Variants in DIP2C observed in about 807,000 individuals in gnomAD.
DIP2C encodes the protein disco-interacting protein 2 homolog C.
In DIP2C, 33 loss-of-function variants were observed where a neutral mutation model predicts 192.4. That is an observed-to-expected ratio of 0.17 (90% CI 0.13 to 0.23). The LOEUF (loss-of-function observed/expected upper bound fraction) is 0.23, where lower values mean the gene tolerates loss of function less well. Ranked by LOEUF, DIP2C falls within the 10% of genes least tolerant of loss-of-function variation. The pLI is 1.00. For missense variants in DIP2C, 1,537 were observed against 2,110.1 expected, an observed-to-expected ratio of 0.73 and a Z score of 5.32; for synonymous variants, 979 against 864.1, an observed-to-expected ratio of 1.13 and a Z score of -2.33.
At chr10:518,630 G>A (rs925902006) in intron 1 of DIP2C, among the ~76,000 whole-genome samples, 3 of 152,178 alleles carry the variant, frequency 2.0e-5, no homozygotes, top group African/African-American at 7.2e-5. Flanking sequence ...GCCCACACCA[G>A]AACCCACCCA....
intron 6 of DIP2C, among the ~76,000 whole-genome samples, chr10:417,635 CGGA>C (rs1965750294): frequency 3.2e-4 from 2 of 6,224 alleles, no homozygotes; most frequent in Non-Finnish European, 1.0e-3. Flanking sequence ...TGTCAGGGCT[CGGA>C]TAGGCCTCCC....
rs143718139 is a variant in DIP2C at position 419,470 on chromosome 10, A to G, written c.605-271T>C. Among the ~76,000 whole-genome samples the G allele has an allele frequency of 2.1e-3, 325 of 152,316 alleles. 4 individuals are homozygous for G. The highest frequency in any genetic ancestry group is 7.0e-3 in the African/African-American group (290 of 41,586). ...CCATGTCAGCAGCATTTTAACTAGA[A>G]TAACGTTAGACTGGCAATGGCAGGG... On this transcript the variant is annotated intron_variant, in intron 5 of 36. Coordinates refer to ENST00000280886, the MANE Select transcript of DIP2C (RefSeq NM_014974.3).
intron 1 of DIP2C, among the ~76,000 whole-genome samples, chr10:494,534 C>G (rs539488869): frequency 6.6e-6 from 1 of 151,956 alleles, no homozygotes; most frequent in South Asian, 2.1e-4. Flanking sequence ...TCAAAGCTAC[C>G]AAGAGTCAAA....
chr10:476,857 C>A (rs1276451373), intron 2 of DIP2C, among the ~76,000 whole-genome samples: 1 of 151,554 alleles, frequency 6.6e-6, no homozygotes, highest in African/African-American at 2.4e-5. Context: ...AATCTTGGAG[C>A]AAGGAAAAGC....
chr10:503,535 G>A (rs1845395380), intron 1 of DIP2C, among the ~76,000 whole-genome samples: 1 of 152,214 alleles, frequency 6.6e-6, no homozygotes, highest in Admixed American at 6.5e-5. Flanking sequence ...GGAAAACCAT[G>A]GAAGTGTTCC....
At chr10:564,823 A>T (rs1224637495) in intron 1 of DIP2C, among the ~76,000 whole-genome samples, 1 of 152,142 alleles carries the variant, frequency 6.6e-6, no homozygotes, top group Non-Finnish European at 1.5e-5. Context: ...AACACATAAC[A>T]CGTGAGCAGA....
At chr10:296,643 G>T (rs1403243789) in intron 32 of DIP2C, among the ~76,000 whole-genome samples, 1 of 152,016 alleles carries the variant, frequency 6.6e-6, no homozygotes, top group Non-Finnish European at 1.5e-5. Context: ...CAACCCAAAT[G>T]CCCATCAATG....
chr10:664,796 G>A (rs1054199673), intron 1 of DIP2C: 44 of 151,822 alleles, frequency 2.9e-4, no homozygotes, highest in Admixed American at 1.1e-3. Flanking sequence ...CAAATATATA[G>A]GGAATTTTTA....
chr10:320,315 C>T (rs763683408), intron 31 of DIP2C, among the ~76,000 whole-genome samples: 1 of 152,002 alleles, frequency 6.6e-6, no homozygotes, highest in Non-Finnish European at 1.5e-5. Context: ...TGAGACCAGC[C>T]TGGCCAACAT....
At chr10:332,048 T>A (rs545961254) in intron 29 of DIP2C, among the ~76,000 whole-genome samples, 2 of 152,254 alleles carry the variant, frequency 1.3e-5, no homozygotes, top group East Asian at 3.9e-4. Context: ...CCCAAGTATC[T>A]GGGACTAGAG....
chr10:651,191 C>T lies in DIP2C; in HGVS notation c.85+38303G>A, dbSNP rs1198319326. 7 of 717,456 alleles carry T rather than the reference C, an allele frequency of 9.8e-6. No individual in the cohort carries two copies. The highest frequency in any genetic ancestry group is 7.8e-6 in the Non-Finnish European group (3 of 385,126). 44.4% of individuals were successfully genotyped at this position (717,456 alleles called of 1,614,324 possible). ...CCAGGTCTGGGACCACCGTCCTCCA[C>T]GCATATCTACAGACCCTGTCCTCAC... On this transcript the variant is annotated intron_variant, in intron 1 of 36. Coordinates refer to ENST00000280886, the MANE Select transcript of DIP2C (RefSeq NM_014974.3). The surrounding 1 kb of genome is among the most constrained non-coding windows in gnomAD (Gnocchi z 4.1).
At chr10:504,465 C>A (rs1235308574) in intron 1 of DIP2C, among the ~76,000 whole-genome samples, 1 of 152,222 alleles carries the variant, frequency 6.6e-6, no homozygotes, top group Non-Finnish European at 1.5e-5. Context: ...CAGGTGTGAT[C>A]CCTAGCACAG....
intron 1 of DIP2C, among the ~76,000 whole-genome samples, chr10:656,738 G>C (rs568935710): frequency 6.6e-6 from 1 of 152,258 alleles, no homozygotes; most frequent in Admixed American, 6.5e-5. Flanking sequence ...TGTTGAAGGA[G>C]TGACAGGAAG....
rs1396233731 is a variant in DIP2C, at chr10:364,400, T to C, written c.2451A>G (p.Glu817=). Residue 817 remains glutamate, a synonymous_variant, in exon 20 of 37, where the codon GAA becomes GAG. Transcript: ENST00000280886. ...TTCCCCGGTAGACAAACTTCATGGG[T>C]TCTACGGCCAGCGCAGTGGCCACGA... ...DDIVATALAV[E]PMKFVYRGRI... 1 of 1,613,528 alleles carries C rather than the reference T, an allele frequency of 6.2e-7. No individual in the cohort carries two copies. Among genetic ancestry groups the C allele is most frequent in the Non-Finnish European group, 8.5e-7 (1 of 1,179,706 alleles).
At chr10:456,829 A>G (rs910070022) in intron 3 of DIP2C, among the ~76,000 whole-genome samples, 5 of 152,150 alleles carry the variant, frequency 3.3e-5, no homozygotes, top group African/African-American at 1.2e-4. Flanking sequence ...AGAGGTGTGG[A>G]GAGTTGTGCA....
chr10:399,321 G>C (rs997256262), intron 9 of DIP2C, 102 bp from the exon 10 acceptor site: 2 of 802,936 alleles, frequency 2.5e-6, no homozygotes, highest in South Asian at 3.0e-5. Flanking sequence ...GCTTCAGTGA[G>C]AACCAGATCC....
At chr10:333,944 T>TC (rs1268922291) in intron 29 of DIP2C, among the ~76,000 whole-genome samples, 2 of 151,998 alleles carry the variant, frequency 1.3e-5, no homozygotes, top group African/African-American at 4.8e-5. Context: ...TTGTATGTCT[T>TC]CTTCTGGTGA....
chr10:497,124 C>T (rs138120127), intron 1 of DIP2C, among the ~76,000 whole-genome samples: 2 of 151,738 alleles, frequency 1.3e-5, no homozygotes, highest in Non-Finnish European at 2.9e-5. Context: ...GACTCCACCT[C>T]GAAATCAATC....
intron 3 of DIP2C, among the ~76,000 whole-genome samples, chr10:452,287 T>C (rs1005830731): frequency 6.6e-6 from 1 of 152,150 alleles, no homozygotes; most frequent in African/African-American, 2.4e-5. Context: ...AGACTCTACA[T>C]GGAACAATGT....
Sources: allele counts gnomAD v4.1 joint callset (sites outside exome capture counted in the v4.1 genomes callset), GRCh38; gene constraint gnomAD v4.1.1; non-coding constraint Gnocchi (gnomAD v3.1); transcripts MANE v1.5; gene names NCBI Gene and HGNC (gene_info 2026-07-23, HGNC 2026-07-21).